The following ZNF518A variants were observed in gnomAD, a reference collection of about 807,000 sequenced individuals.
The protein encoded by ZNF518A is zinc finger protein 518.
In ZNF518A, 47 loss-of-function variants were observed where a neutral mutation model predicts 102.7. That is an observed-to-expected ratio of 0.46 (90% CI 0.36 to 0.58). ZNF518A has a LOEUF of 0.58. Among genes scored for constraint, ZNF518A ranks in the 20% least tolerant of loss-of-function variants. The pLI is 0.00. For missense variants in ZNF518A, 1,793 were observed against 1,699.8 expected (o/e 1.05, Z -0.96); for synonymous variants, 652 against 594.6 (o/e 1.10, Z -1.40).
intron 1 of ZNF518A, among the ~76,000 whole-genome samples, chr10:96,186,198 C>T (rs1292931310): frequency 6.6e-6 from 1 of 152,140 alleles, no homozygotes; most frequent in Non-Finnish European, 1.5e-5. Flanking sequence ...AATGCCCCAC[C>T]CTGCTTTGGC....
chr10:96,192,151 A>C lies in ZNF518A; in HGVS notation n.36-11423A>C, dbSNP rs1256892553. 1.4e-4 allele frequency: 227 copies of C among 1,599,628 alleles called. 1 individual carries two copies. The highest frequency in any genetic ancestry group is 4.3e-6 in the Non-Finnish European group (5 of 1,170,320). On this transcript the variant is annotated intron_variant and non_coding_transcript_variant, in intron 1 of 2. Transcript: ENST00000442635. ...GGCATTTGTGTTAAATTTGAGCTCC[A>C]CTCCTCCCATCTTCTCTCATTCTCA...
intron 1 of ZNF518A, among the ~76,000 whole-genome samples, chr10:96,175,942 TC>T: frequency 7.1e-6 from 1 of 140,068 alleles, no homozygotes. Context: ...TTCCTTTCTT[TC>T]CTCCTTCCTT....
At chr10:96,150,643 C>T (rs930466905) in intron 3 of ZNF518A, among the ~76,000 whole-genome samples, 1 of 138,216 alleles carries the variant, frequency 7.2e-6, no homozygotes, top group Non-Finnish European at 1.5e-5. Context: ...TCAGTATGCT[C>T]TTTTTTTCAA....
At position 96,157,780 on chromosome 10, in the gene ZNF518A, C is replaced by G. The variant is rs1564773984; in HGVS notation, c.1458C>G (p.Pro486=). ...AAKDGTANLQ[P]QTLDTNGFLT... is the part of the protein sequence containing the mutation. ...AGGACGGTACTGCTAATTTGCAGCC[C>G]CAGACTTTGGACACTAATGGATTTT... is the stretch of plus-strand genomic sequence containing the variant. Residue 486 remains proline, a synonymous_variant, in exon 6 of 6, where the codon CCC becomes CCG. Transcript: ENST00000316045. 1 of 1,613,702 alleles carries G rather than the reference C, an allele frequency of 6.2e-7. No homozygotes were observed. The highest frequency in any genetic ancestry group is 1.7e-5 in the Admixed American group (1 of 60,012).
intron 1 of ZNF518A, chr10:96,190,269 G>A (rs1184541485): frequency 9.9e-6 from 7 of 708,196 alleles, no homozygotes; most frequent in East Asian, 7.9e-5. Context: ...GGAGATAAAC[G>A]ACCACTGCTC....
chr10:96,143,357 C>T (rs2082028433), intron 3 of ZNF518A, among the ~76,000 whole-genome samples: 2 of 152,190 alleles, frequency 1.3e-5, no homozygotes, highest in Non-Finnish European at 1.5e-5. Flanking sequence ...TCTGTTCTCA[C>T]TTAACCTCCC....
At position 96,162,855 on chromosome 10, in the gene ZNF518A, G is replaced by A. The variant is rs1554888781; in HGVS notation, c.*2081G>A. The A allele has an allele frequency of 6.0e-6, 1 of 166,768 alleles. No homozygotes were observed. The highest frequency in any genetic ancestry group is 2.4e-5 in the African/African-American group (1 of 41,386). 10.3% of individuals were successfully genotyped at this position (166,768 alleles called of 1,614,324 possible). ...ACTCTACAAGATAGATAAAAGTGTGGGATTTTTTTTCTTCCCAAAATCATA... is the reference window on the plus strand; with the variant it reads ...ACTCTACAAGATAGATAAAAGTGTGAGATTTTTTTTCTTCCCAAAATCATA... On this transcript the variant is annotated 3_prime_UTR_variant, in exon 6 of 6. Coordinates refer to ENST00000316045, the MANE Select transcript of ZNF518A (RefSeq NM_001330736.2).
At chr10:96,154,522 G>A (rs1439924346) in intron 3 of ZNF518A, among the ~76,000 whole-genome samples, 1 of 147,772 alleles carries the variant, frequency 6.8e-6, no homozygotes, top group Non-Finnish European at 1.5e-5. Context: ...CTGTTGGATT[G>A]TAGAGCCTTC....
chr10:96,192,024 C>A (rs781802342), intron 1 of ZNF518A: 6 of 1,613,488 alleles, frequency 3.7e-6, no homozygotes, highest in Non-Finnish European at 3.4e-6. Context: ...TTGTGTTATT[C>A]TGACTGTCAA....
chr10:96,154,833 C>A (rs587672510), intron 3 of ZNF518A, among the ~76,000 whole-genome samples: 1 of 152,220 alleles, frequency 6.6e-6, no homozygotes, highest in Admixed American at 6.5e-5. Context: ...TAAAACAATT[C>A]AATAATTGGT....
At position 96,157,503 on chromosome 10, in the gene ZNF518A, C is replaced by G. The variant is rs368592592; in HGVS notation, c.1181C>G (p.Thr394Ser). Residue 394 changes from threonine to serine, a missense_variant, in exon 6 of 6, where the codon ACT (threonine) becomes AGT (serine). Coordinates refer to ENST00000316045, the MANE Select transcript of ZNF518A (RefSeq NM_001330736.2). The part of the protein sequence containing the change: ...KAPESESEKP[T>S]PLSTGQGNRA... Reference sequence around the variant, plus strand: ...CCTGAATCAGAGTCAGAGAAGCCAACTCCTCTGTCCACTGGGCAAGGTAAT... The same window carrying G: ...CCTGAATCAGAGTCAGAGAAGCCAAGTCCTCTGTCCACTGGGCAAGGTAAT... The G allele has an allele frequency of 1.1e-4, 176 of 1,613,842 alleles. 1 individual carries two copies. The African/African-American group carries it at 1.9e-3, about 18-fold the overall frequency.
chr10:96,161,300 C>T lies in ZNF518A; in HGVS notation c.*526C>T, dbSNP rs986840188. 1.2e-5 allele frequency: 2 copies of T among 166,926 alleles called. No homozygotes were observed. The highest frequency in any genetic ancestry group is 2.4e-5 in the African/African-American group (1 of 41,430). The allele number at this position is 166,926 out of a possible 1,614,324, so 10.3% of individuals were successfully genotyped here. On this transcript the variant is annotated 3_prime_UTR_variant, in exon 6 of 6. Coordinates refer to ENST00000316045, the MANE Select transcript of ZNF518A (RefSeq NM_001330736.2). ...TAGTTATTTTGAAGGATATTAGGCT[C>T]CTTGAAAGTACATTTAACTCACTAC...
chr10:96,204,777 T>C (rs2083751563), downstream of ZNF518A: 7 of 663,854 alleles, frequency 1.1e-5, no homozygotes, highest in Non-Finnish European at 1.9e-5. Context: ...TGCCAGTCTG[T>C]TGATGTGGTT....
intron 3 of ZNF518A, among the ~76,000 whole-genome samples, chr10:96,136,141 G>T (rs1256552955): frequency 6.6e-6 from 1 of 151,944 alleles, no homozygotes; most frequent in East Asian, 2.0e-4. Flanking sequence ...AGAAATTTTG[G>T]CCCTTTCTAC....
chr10:96,194,360 T>C (rs1272694735), intron 1 of ZNF518A, among the ~76,000 whole-genome samples: 1 of 152,214 alleles, frequency 6.6e-6, no homozygotes, highest in African/African-American at 2.4e-5. Flanking sequence ...TCTGAGACTT[T>C]GTTAAAAGCA....
At chr10:96,142,439 T>C (rs1591143837) in intron 3 of ZNF518A, among the ~76,000 whole-genome samples, 1 of 152,086 alleles carries the variant, frequency 6.6e-6, no homozygotes, top group African/African-American at 2.4e-5. Flanking sequence ...ACCACTCATA[T>C]ATTCATTCAT....
At chr10:96,175,873 CCCTCCCTTCCTT>C (rs1478244631) in intron 1 of ZNF518A, among the ~76,000 whole-genome samples, 8 of 49,758 alleles carry the variant, frequency 1.6e-4, no homozygotes, top group Non-Finnish European at 2.7e-4. Context: ...CTGCCTCCCT[CCCTCCCTTCCTT>C]CCTTCCTTCC....
intron 1 of ZNF518A, among the ~76,000 whole-genome samples, chr10:96,181,921 C>CAATTTATAGATTTTAAA (rs2133893405): frequency 6.6e-6 from 1 of 152,144 alleles, no homozygotes; most frequent in Admixed American, 6.5e-5. Flanking sequence ...TATAAATTAC[C>CAATTTATAGATTTTAAA]TTGGGTAGTA....
At chr10:96,188,360 A>C (rs2083285079) in intron 1 of ZNF518A, among the ~76,000 whole-genome samples, 1 of 152,218 alleles carries the variant, frequency 6.6e-6, no homozygotes, top group African/African-American at 2.4e-5. Flanking sequence ...CTGCTCCAAG[A>C]AATCCACCAC....
Sources: gnomAD v4.1 joint callset for allele counts (sites outside exome capture counted in the v4.1 genomes callset) on GRCh38, gnomAD v4.1.1 for gene constraint, MANE v1.5 for transcripts, NCBI Gene and HGNC (gene_info 2026-07-23, HGNC 2026-07-21) for gene names.